Variants in CYP24A1 observed in about 807,000 individuals in gnomAD.
CYP24A1 encodes the protein cytochrome P450 family 24 subfamily A member 1.
Under a neutral mutation model 62.4 loss-of-function variants are expected in CYP24A1, and 68 were observed. The observed-to-expected ratio is 1.09, with a 90% CI of 0.90 to 1.33. The LOEUF is 1.33. CYP24A1 is among the 40% of genes most tolerant of loss of function. CYP24A1 has a pLI of 0.00. For missense variants in CYP24A1, 787 were observed against 653.0 expected, an observed-to-expected ratio of 1.21 and a Z score of -2.24; for synonymous variants, 267 against 253.0, an observed-to-expected ratio of 1.06 and a Z score of -0.52.
chr20:54,145,149 G>A, the CYP24A1 span, among the ~76,000 whole-genome samples: 2 of 151,816 alleles, frequency 1.3e-5, no homozygotes, highest in East Asian at 1.9e-4. Flanking sequence ...AAGCTCTTCC[G>A]GCATTTCTAC....
the CYP24A1 span, among the ~76,000 whole-genome samples, chr20:54,147,388 C>T: frequency 3.9e-5 from 6 of 152,128 alleles, no homozygotes; most frequent in Admixed American, 6.5e-5. Context: ...GCAAAATAGA[C>T]GTTGAAAATG....
intron 11 of CYP24A1, among the ~76,000 whole-genome samples, chr20:54,156,336 GA>G (rs1475005328): frequency 1.3e-5 from 2 of 152,208 alleles, no homozygotes; most frequent in Non-Finnish European, 2.9e-5. Context: ...TATCTTGTCA[GA>G]CAGAAGCAAT....
chr20:54,173,751 G>A lies in CYP24A1; in HGVS notation c.-172C>T. The A allele has an allele frequency of 4.9e-6, 3 of 611,560 alleles. No individual in the cohort carries two copies. The highest frequency in any genetic ancestry group is 5.5e-5 in the East Asian group (2 of 36,504). 37.9% of individuals were successfully genotyped at this position (611,560 alleles called of 1,614,324 possible). On this transcript the variant is annotated 5_prime_UTR_variant, in exon 1 of 12. Coordinates refer to ENST00000216862, the MANE Select transcript of CYP24A1 (RefSeq NM_000782.5). This position sits in a 1 kb window ranked among gnomAD's most constrained non-coding sequence, Gnocchi z 7.2. ...GACAGGCAGCAGAAAGGACCTCGGC[G>A]AGGATGCTCGACGCTGCACCACGCG...
rs6091826 is a variant in CYP24A1 at position 54,159,235 on chromosome 20, G to A, written c.991-112C>T. Reference sequence around the variant, plus strand: ...CTTATTCTGCAAATGTATCAGTGAAGCTCTTTCACGCGTCCTTATAGCTAC... The same window carrying A: ...CTTATTCTGCAAATGTATCAGTGAAACTCTTTCACGCGTCCTTATAGCTAC... On this transcript the variant is annotated intron_variant, in intron 7 of 11. Coordinates refer to ENST00000216862, the MANE Select transcript of CYP24A1 (RefSeq NM_000782.5). The A allele has an allele frequency of 0.26, 219,078 of 828,706 alleles. 32,767 individuals are homozygous for A. Among genetic ancestry groups the A allele is most frequent in the East Asian group, 0.59 (23,827 of 40,170 alleles). 51.3% of individuals were successfully genotyped at this position (828,706 alleles called of 1,614,324 possible).
chr20:54,153,156 C>T (rs998190742), downstream of CYP24A1, among the ~76,000 whole-genome samples: 1 of 152,130 alleles, frequency 6.6e-6, no homozygotes, highest in Admixed American at 6.5e-5. Flanking sequence ...GGCCGTTCTA[C>T]CCCCCTTTCA....
Position 54,173,178 on chromosome 20 carries a change from T to C in CYP24A1, c.259-79A>G. On this transcript the variant is annotated intron_variant, in intron 1 of 11. Coordinates refer to ENST00000216862, the MANE Select transcript of CYP24A1 (RefSeq NM_000782.5). The surrounding 1 kb of genome is among the most constrained non-coding windows in gnomAD (Gnocchi z 7.2). ...AAGCGCTTTCCCTCCTCCCGCCTCC[T>C]TCCTCCTAGGGGACCGGGGACCCTC... The C allele has an allele frequency of 1.3e-6, 2 of 1,554,072 alleles. No individual in the cohort carries two copies. The highest frequency in any genetic ancestry group is 2.7e-5 in the African/African-American group (2 of 73,992).
chr20:54,158,828 T>C (rs888502263), intron 8 of CYP24A1, 129 bp downstream of exon 8: 70 of 1,498,194 alleles, frequency 4.7e-5, no homozygotes, highest in Non-Finnish European at 6.1e-5. Context: ...GCTCCAAAGA[T>C]TTTTTTGCAG....
rs114797662 is a variant in CYP24A1 at position 54,173,617 on chromosome 20, A to C, written c.-38T>G. On this transcript the variant is annotated 5_prime_UTR_variant, in exon 1 of 12. Coordinates refer to ENST00000216862, the MANE Select transcript of CYP24A1 (RefSeq NM_000782.5). This position sits in a 1 kb window ranked among gnomAD's most constrained non-coding sequence, Gnocchi z 7.2. ...CACCGGAGCGCGGGAAGGCAGGAGGATGGGGTGGGGCGAGGTTGGTACGAG... is the reference window on the plus strand; with the variant it reads ...CACCGGAGCGCGGGAAGGCAGGAGGCTGGGGTGGGGCGAGGTTGGTACGAG... 3.6e-5 allele frequency: 54 copies of C among 1,513,822 alleles called. No homozygotes were observed. The South Asian group carries it at 6.2e-4, about 18-fold the overall frequency. The allele number at this position is 1,513,822 out of a possible 1,614,324, so 93.8% of individuals were successfully genotyped here.
At chr20:54,158,282 G>C in intron 8 of CYP24A1, 118 bp from the exon 9 acceptor site, 1 of 1,542,070 alleles carries the variant, frequency 6.5e-7, no homozygotes, top group Non-Finnish European at 8.8e-7. Flanking sequence ...CAAAGAGGCA[G>C]CATGATCACA....
Position 54,166,507 on chromosome 20 carries a change from C to T in CYP24A1, c.641-674G>A, listed in dbSNP as rs142719796. On this transcript the variant is annotated intron_variant, in intron 4 of 11. Coordinates refer to ENST00000216862, the MANE Select transcript of CYP24A1 (RefSeq NM_000782.5). ...GTGTATGTATGCATACAAGTGTATA[C>T]GTGGTTGTGTGTGCTGAAGCATCTG... 4.4e-4 allele frequency among the ~76,000 whole-genome samples: 67 copies of T among 152,294 alleles called. 1 individual carries two copies. Among genetic ancestry groups the T allele is most frequent in the African/African-American group, 8.9e-4 (37 of 41,570 alleles).
the CYP24A1 span, among the ~76,000 whole-genome samples, chr20:54,146,973 C>A: frequency 1.3e-5 from 2 of 152,146 alleles, no homozygotes; most frequent in Admixed American, 1.3e-4. Context: ...ACAAATTAGG[C>A]CAAATCATAA....
At chr20:54,164,019 T>A (rs963028881) in intron 6 of CYP24A1, among the ~76,000 whole-genome samples, 1 of 152,146 alleles carries the variant, frequency 6.6e-6, no homozygotes, top group African/African-American at 2.4e-5. Context: ...CACTGCAACC[T>A]CCGCCTCCCA....
chr20:54,172,571 G>T (rs1035510096), intron 2 of CYP24A1, among the ~76,000 whole-genome samples: 7 of 152,206 alleles, frequency 4.6e-5, no homozygotes, highest in Non-Finnish European at 1.0e-4. Flanking sequence ...TAAGATGTTT[G>T]CCTGGTACGC....
At chr20:54,153,350 G>T (rs2092615915), downstream of CYP24A1, 1 of 152,148 alleles carries the variant, frequency 6.6e-6, no homozygotes, top group African/African-American at 2.4e-5. Flanking sequence ...GTGATATAGG[G>T]CTTGTAGGCC....
chr20:54,160,765 A>G (rs1002906209), intron 7 of CYP24A1, among the ~76,000 whole-genome samples: 5 of 152,356 alleles, frequency 3.3e-5, no homozygotes, highest in African/African-American at 1.2e-4. Flanking sequence ...CGCAAGTACC[A>G]AATAGAGTTT....
At chr20:54,153,096 G>A (rs994901252), downstream of CYP24A1, among the ~76,000 whole-genome samples, 1 of 152,238 alleles carries the variant, frequency 6.6e-6, no homozygotes, top group Admixed American at 6.5e-5. Context: ...ACTGCCAAGT[G>A]CCAGCCTCCC....
At position 54,171,561 on chromosome 20, in the gene CYP24A1, G is replaced by C; in HGVS notation, c.543+16C>G. On this transcript the variant is annotated intron_variant, in intron 3 of 11. Transcript: ENST00000216862. ...GTCCCCACGAGCCCCAGGAAAGCTG[G>C]CCCCAGCCTGCAGACCTCATTGATT... The C allele has an allele frequency of 6.2e-7, 1 of 1,613,780 alleles. No homozygotes were observed. The highest frequency in any genetic ancestry group is 1.1e-5 in the South Asian group (1 of 91,044).
chr20:54,164,516 G>T lies in CYP24A1; in HGVS notation c.780C>A (p.His260Gln), dbSNP rs2092664023. 8 of 1,614,146 alleles carry T rather than the reference G, an allele frequency of 5.0e-6. No individual in the cohort carries two copies. The highest frequency in any genetic ancestry group is 6.8e-6 in the Non-Finnish European group (8 of 1,180,018). Residue 260 changes from histidine to glutamine, a missense_variant, in exon 6 of 12, where the codon CAC becomes CAA. His to Gln is a conservative substitution (Grantham distance 24, BLOSUM62 0). Coordinates refer to ENST00000216862, the MANE Select transcript of CYP24A1 (RefSeq NM_000782.5). ...GCCAGACCTTGGTGTTGAGGCTCTT[G>T]TGCAGCTCGACTGGAGTGACCATCA... ...GRMMVTPVEL[H>Q]KSLNTKVWQD... is the part of the protein sequence containing the mutation.
intron 2 of CYP24A1, 167 bp from the exon 3 acceptor site, chr20:54,171,837 G>A: frequency 6.8e-7 from 1 of 1,461,410 alleles, no homozygotes; most frequent in Non-Finnish European, 9.2e-7. Context: ...ATAAAATAGT[G>A]ATCATCTTTT....
Sources: allele counts gnomAD v4.1 joint callset (sites outside exome capture counted in the v4.1 genomes callset), GRCh38; gene constraint gnomAD v4.1.1; non-coding constraint Gnocchi (gnomAD v3.1); transcripts MANE v1.5; gene names NCBI Gene and HGNC (gene_info 2026-07-23, HGNC 2026-07-21).